KCNIP4: variants seen among roughly 807,000 people sequenced by gnomAD.
KCNIP4 encodes the protein Kv channel-interacting protein 4.
KCNIP4 carries 12 observed loss-of-function variants against 34.0 expected under a neutral mutation model. The ratio of observed to expected loss-of-function variants is 0.35; its 90% CI spans 0.23 to 0.57. The LOEUF (loss-of-function observed/expected upper bound fraction) is 0.57, where lower values mean the gene tolerates loss of function less well. Ranked by LOEUF, KCNIP4 falls within the 20% of genes least tolerant of loss-of-function variation. KCNIP4 has a pLI of 0.83. For synonymous variants in KCNIP4, 124 were observed against 102.2 expected, an observed-to-expected ratio of 1.21 and a Z score of -1.29; for missense variants, 238 against 311.7, an observed-to-expected ratio of 0.76 and a Z score of 1.78.
chr4:20,965,434 C>A lies in KCNIP4; in HGVS notation c.62-82725G>T, dbSNP rs114953439. Among the ~76,000 whole-genome samples, 1,501 of 152,236 alleles carry A rather than the reference C, an allele frequency of 9.9e-3. 28 individuals carry two copies. The highest frequency in any genetic ancestry group is 0.034 in the African/African-American group (1,405 of 41,542). ...AGGAGGTAACTCATGGTATAACTGT[C>A]GTGGTACAAGGTCTCAGGCCAGGCC... On this transcript the variant is annotated intron_variant, in intron 1 of 8. Coordinates refer to ENST00000382152, the MANE Select transcript of KCNIP4 (RefSeq NM_025221.6).
At chr4:21,771,026 T>A (rs1718746765) in intron 1 of KCNIP4, among the ~76,000 whole-genome samples, 2 of 152,198 alleles carry the variant, frequency 1.3e-5, no homozygotes, top group South Asian at 4.1e-4. Context: ...CATGCCTGTG[T>A]CCCAAATGAT....
intron 1 of KCNIP4, among the ~76,000 whole-genome samples, chr4:21,001,507 G>A (rs1333534240): frequency 1.3e-5 from 2 of 152,192 alleles, no homozygotes; most frequent in African/African-American, 4.8e-5. Flanking sequence ...AATAGAGGAA[G>A]GTGGGATTTG....
intron 1 of KCNIP4, among the ~76,000 whole-genome samples, chr4:21,479,496 G>A (rs1215816050): frequency 6.6e-6 from 1 of 152,052 alleles, no homozygotes; most frequent in African/African-American, 2.4e-5. Context: ...TAAGGAGAGA[G>A]GACCACATGA....
intron 3 of KCNIP4, among the ~76,000 whole-genome samples, chr4:20,801,782 C>T (rs1367158818): frequency 6.6e-6 from 1 of 151,938 alleles, no homozygotes. Context: ...ATCGACAGAG[C>T]TACAAAACAA....
intron 1 of KCNIP4, among the ~76,000 whole-genome samples, chr4:20,910,276 T>G (rs989939973): frequency 4.0e-5 from 6 of 151,536 alleles, no homozygotes; most frequent in Admixed American, 6.6e-5. Context: ...ATTATTTGTG[T>G]GTCTGTATGT....
intron 1 of KCNIP4, among the ~76,000 whole-genome samples, chr4:21,319,615 C>T (rs1714164054): frequency 6.6e-6 from 1 of 152,198 alleles, no homozygotes; most frequent in Non-Finnish European, 1.5e-5. Context: ...TCTATGCACA[C>T]TGGATAGTCC....
chr4:21,034,338 G>T (rs146895409), intron 1 of KCNIP4, among the ~76,000 whole-genome samples: 3 of 152,302 alleles, frequency 2.0e-5, no homozygotes, highest in Non-Finnish European at 4.4e-5. Context: ...AGCCTGGAGG[G>T]TTTAGCTGTA....
At chr4:21,064,392 G>A (rs190133980) in intron 1 of KCNIP4, among the ~76,000 whole-genome samples, 3 of 148,202 alleles carry the variant, frequency 2.0e-5, no homozygotes, top group Admixed American at 1.3e-4. Context: ...TTTTACTCCC[G>A]TTACCTCACA....
At chr4:21,737,384 A>T (rs968878772) in intron 1 of KCNIP4, among the ~76,000 whole-genome samples, 1 of 152,162 alleles carries the variant, frequency 6.6e-6, no homozygotes, top group Non-Finnish European at 1.5e-5. Flanking sequence ...ATGGCCCAAA[A>T]TATGTCATGA....
chr4:21,730,653 T>C (rs1715523744), intron 1 of KCNIP4, among the ~76,000 whole-genome samples: 1 of 152,210 alleles, frequency 6.6e-6, no homozygotes, highest in Non-Finnish European at 1.5e-5. Context: ...AAAGGGGATG[T>C]AGGAGTCACG....
chr4:21,236,653 T>G (rs1428522703), intron 1 of KCNIP4, among the ~76,000 whole-genome samples: 1 of 152,038 alleles, frequency 6.6e-6, no homozygotes, highest in Non-Finnish European at 1.5e-5. Context: ...TTGACACAAT[T>G]TTAATTAGCC....
intron 3 of KCNIP4, among the ~76,000 whole-genome samples, chr4:20,788,427 T>C (rs1712290423): frequency 6.6e-6 from 1 of 152,160 alleles, no homozygotes. Context: ...CTACCAAAAG[T>C]AGCTGACTAT....
At chr4:21,208,131 TGCACCTG>T (rs1756979567) in intron 1 of KCNIP4, among the ~76,000 whole-genome samples, 1 of 152,180 alleles carries the variant, frequency 6.6e-6, no homozygotes, top group African/African-American at 2.4e-5. Flanking sequence ...TGTGCGCCAC[TGCACCTG>T]GCCTATATTT....
chr4:20,955,527 T>C (rs1196874451), intron 1 of KCNIP4, among the ~76,000 whole-genome samples: 1 of 152,172 alleles, frequency 6.6e-6, no homozygotes, highest in Non-Finnish European at 1.5e-5. Flanking sequence ...TGGTTCTGAT[T>C]GATGGTGGGG....
chr4:21,371,751 T>A (rs1260187151), intron 1 of KCNIP4, among the ~76,000 whole-genome samples: 1 of 147,220 alleles, frequency 6.8e-6, no homozygotes, highest in African/African-American at 2.7e-5. Flanking sequence ...CACTATGATT[T>A]CAGGAGGCTG....
intron 1 of KCNIP4, among the ~76,000 whole-genome samples, chr4:20,988,802 C>T (rs1736822235): frequency 6.6e-6 from 1 of 152,206 alleles, no homozygotes; most frequent in Non-Finnish European, 1.5e-5. Flanking sequence ...GAAAAACTCT[C>T]TACCTTCCCC....
At chr4:20,862,954 A>G (rs2149497150) in intron 2 of KCNIP4, among the ~76,000 whole-genome samples, 1 of 152,238 alleles carries the variant, frequency 6.6e-6, no homozygotes, top group East Asian at 1.9e-4. Flanking sequence ...AACAACAGAC[A>G]CTGGGGCCTA....
chr4:21,109,257 GT>G (rs1291094716), intron 1 of KCNIP4, among the ~76,000 whole-genome samples: 1 of 152,226 alleles, frequency 6.6e-6, no homozygotes, highest in Non-Finnish European at 1.5e-5. Context: ...GCTCCACCCA[GT>G]TCGAGCTTCC....
chr4:20,771,638 T>A (rs1755891187), intron 3 of KCNIP4, among the ~76,000 whole-genome samples: 1 of 152,032 alleles, frequency 6.6e-6, no homozygotes, highest in East Asian at 1.9e-4. Flanking sequence ...AAAGACACTT[T>A]GAGAAAGCAT....
Sources: allele counts gnomAD v4.1 joint callset (sites outside exome capture counted in the v4.1 genomes callset), GRCh38; gene constraint gnomAD v4.1.1; transcripts MANE v1.5; gene names NCBI Gene and HGNC (gene_info 2026-07-23, HGNC 2026-07-21).